Variants in GPC5 observed in about 807,000 individuals in gnomAD.
GPC5 encodes the protein glypican-5.
Under a neutral mutation model 53.9 loss-of-function variants are expected in GPC5, and 47 were observed. The observed-to-expected ratio is 0.87, with a 90% CI of 0.69 to 1.11. The LOEUF (loss-of-function observed/expected upper bound fraction) is 1.11. Among genes scored for constraint, GPC5 ranks in the 50% most tolerant of loss-of-function variants. GPC5 has a pLI of 0.00. For synonymous variants in GPC5, 286 were observed against 263.3 expected, an observed-to-expected ratio of 1.09 and a Z score of -0.84; for missense variants, 748 against 713.1, an observed-to-expected ratio of 1.05 and a Z score of -0.56.
intron 7 of GPC5, among the ~76,000 whole-genome samples, chr13:92,452,470 A>G (rs562551988): frequency 1.6e-4 from 25 of 152,326 alleles, no homozygotes; most frequent in African/African-American, 5.8e-4. Context: ...AATAAAAGCT[A>G]TCCTTCGAGA....
chr13:91,572,099 GTATATACACACA>G (rs2031907627), intron 2 of GPC5, among the ~76,000 whole-genome samples: 1 of 116,690 alleles, frequency 8.6e-6, no homozygotes, highest in Non-Finnish European at 1.8e-5. Flanking sequence ...ACATGTGTGT[GTATATACACACA>G]TGTATATATA....
At chr13:92,756,929 G>T (rs1457659132) in intron 7 of GPC5, among the ~76,000 whole-genome samples, 2 of 151,710 alleles carry the variant, frequency 1.3e-5, no homozygotes, top group East Asian at 3.9e-4. Flanking sequence ...TAGATTCAAT[G>T]CCATCCCCAT....
intron 6 of GPC5, among the ~76,000 whole-genome samples, chr13:92,075,213 A>G (rs1767158190): frequency 6.6e-6 from 1 of 152,198 alleles, no homozygotes; most frequent in African/African-American, 2.4e-5. Flanking sequence ...GACATACTGT[A>G]TGTGACGAAA....
chr13:91,571,870 T>TACACAC lies in GPC5; in HGVS notation c.326-121316_326-121315insCACACA. On this transcript the variant is annotated intron_variant, in intron 2 of 7. Coordinates refer to ENST00000377067, the MANE Select transcript of GPC5 (RefSeq NM_004466.6). Reference sequence around the variant, plus strand: ...GTATATACACATATACGTGTGTGTATATATACACACATATACGTGTGTATA... The same window carrying TACACAC: ...GTATATACACATATACGTGTGTGTATACACACATATACACACATATACGTGTGTATA... 3.6e-4 allele frequency among the ~76,000 whole-genome samples: 36 copies of TACACAC among 100,666 alleles called. 12 individuals are homozygous for TACACAC. The highest frequency in any genetic ancestry group is 1.3e-3 in the African/African-American group (33 of 26,370). The allele number at this position is 100,666 out of a possible 152,430, so 66.0% of individuals were successfully genotyped here.
chr13:92,630,630 G>T (rs1210599625), intron 7 of GPC5, among the ~76,000 whole-genome samples: 1 of 152,078 alleles, frequency 6.6e-6, no homozygotes, highest in Non-Finnish European at 1.5e-5. Context: ...ACCATGGCAC[G>T]TGTATACCTA....
intron 7 of GPC5, among the ~76,000 whole-genome samples, chr13:92,752,298 C>CAAATGATCCCTGGGGGACA (rs1889424407): frequency 6.6e-6 from 1 of 152,152 alleles, no homozygotes; most frequent in South Asian, 2.1e-4. Flanking sequence ...CAGACATTGA[C>CAAATGATCCCTGGGGGACA]AAATGATCCC....
At chr13:91,948,243 AT>A (rs1157790903) in intron 6 of GPC5, among the ~76,000 whole-genome samples, 47 of 136,546 alleles carry the variant, frequency 3.4e-4, no homozygotes, top group African/African-American at 5.9e-4. Flanking sequence ...AAAAAAAAAA[AT>A]AAATAATAAT....
At chr13:92,748,322 T>A (rs1055968369) in intron 7 of GPC5, among the ~76,000 whole-genome samples, 6 of 147,106 alleles carry the variant, frequency 4.1e-5, no homozygotes, top group Non-Finnish European at 8.9e-5. Context: ...TTATTATTAT[T>A]ATTATTATTA....
At chr13:92,304,258 G>A (rs1398845461) in intron 7 of GPC5, among the ~76,000 whole-genome samples, 2 of 150,706 alleles carry the variant, frequency 1.3e-5, no homozygotes, top group East Asian at 2.0e-4. Context: ...AGGCTGGAGT[G>A]CAGTGGCAGG....
intron 7 of GPC5, among the ~76,000 whole-genome samples, chr13:92,432,347 T>C (rs974900206): frequency 1.1e-4 from 17 of 150,712 alleles, no homozygotes; most frequent in African/African-American, 4.1e-4. Flanking sequence ...TTTTTTATTG[T>C]TGGTGGTGGG....
In GPC5 at chr13:92,297,373, G is replaced by A. The variant is rs554445041; in HGVS notation, c.1561+152384G>A. Among the ~76,000 whole-genome samples the A allele has an allele frequency of 1.4e-5, 2 of 144,930 alleles. 1 individual carries two copies. The highest frequency in any genetic ancestry group is 3.0e-5 in the Non-Finnish European group (2 of 65,928). The stretch of plus-strand genomic sequence containing the variant: ...ATCAGCACCCTGTGTTTAGCTCAAG[G>A]TTTGTGAGTGCACCAATCGACACTC... On this transcript the variant is annotated intron_variant, in intron 7 of 7. Transcript: ENST00000377067.
chr13:91,660,087 C>T (rs2034949854), intron 2 of GPC5, among the ~76,000 whole-genome samples: 1 of 152,140 alleles, frequency 6.6e-6, no homozygotes, highest in East Asian at 1.9e-4. Context: ...AGCAGGGCAT[C>T]ATATGTGGTT....
chr13:92,534,827 T>C (rs1881672190), intron 7 of GPC5, among the ~76,000 whole-genome samples: 1 of 152,026 alleles, frequency 6.6e-6, no homozygotes, highest in African/African-American at 2.4e-5. Flanking sequence ...AAAAACAATA[T>C]GTCAAAACAT....
intron 7 of GPC5, among the ~76,000 whole-genome samples, chr13:92,771,079 C>T (rs1315641386): frequency 6.6e-6 from 1 of 152,072 alleles, no homozygotes; most frequent in African/African-American, 2.4e-5. Context: ...TCACATACTG[C>T]CGAGTGGGTG....
intron 6 of GPC5, among the ~76,000 whole-genome samples, chr13:92,053,320 A>C (rs2041045809): frequency 6.6e-6 from 1 of 152,164 alleles, no homozygotes; most frequent in African/African-American, 2.4e-5. Flanking sequence ...CCGACGTCAA[A>C]GTTGACCTCT....
At position 91,738,230 on chromosome 13, in the gene GPC5, G is replaced by A. The variant is rs1162960124; in HGVS notation, c.1154+9565G>A. 2.0e-5 allele frequency among the ~76,000 whole-genome samples: 3 copies of A among 151,386 alleles called. 1 individual carries two copies. Among genetic ancestry groups the A allele is most frequent in the African/African-American group, 7.4e-5 (3 of 40,728 alleles). On this transcript the variant is annotated intron_variant, in intron 4 of 7. Coordinates refer to ENST00000377067, the MANE Select transcript of GPC5 (RefSeq NM_004466.6). ...TGTAAACTTCTTTTACAAAAGAGCA[G>A]GTTTTCAGAGCCTTTCCTGTGTCTT...
chr13:92,746,033 T>C (rs1016404533), intron 7 of GPC5, among the ~76,000 whole-genome samples: 1 of 152,124 alleles, frequency 6.6e-6, no homozygotes, highest in African/African-American at 2.4e-5. Context: ...ATTAGCTATA[T>C]CTAATCAGTT....
chr13:91,411,436 G>A (rs1877782188), intron 1 of GPC5, among the ~76,000 whole-genome samples: 1 of 152,162 alleles, frequency 6.6e-6, no homozygotes, highest in Non-Finnish European at 1.5e-5. Flanking sequence ...CCTTCAGAAG[G>A]CCTCTCCACC....
intron 7 of GPC5, among the ~76,000 whole-genome samples, chr13:92,526,872 TGTTA>T (rs1594277105): frequency 6.6e-6 from 1 of 151,666 alleles, no homozygotes; most frequent in Non-Finnish European, 1.5e-5. Context: ...AACCTTAAAC[TGTTA>T]GTTTGAGTAA....
Sources: gnomAD v4.1 joint callset for allele counts (sites outside exome capture counted in the v4.1 genomes callset) on GRCh38, gnomAD v4.1.1 for gene constraint, MANE v1.5 for transcripts, NCBI Gene and HGNC (gene_info 2026-07-23, HGNC 2026-07-21) for gene names.